Variants in XRCC6 observed in about 807,000 individuals in gnomAD.
The protein encoded by XRCC6 is DNA repair protein Ku70.
XRCC6 carries 5 observed loss-of-function variants against 65.7 expected under a neutral mutation model. The observed-to-expected ratio is 0.08, with a 90% CI of 0.04 to 0.16. XRCC6 has a LOEUF of 0.16. Among genes scored for constraint, XRCC6 ranks in the 10% least tolerant of loss-of-function variants. The pLI is 1.00. For synonymous variants in XRCC6, 270 were observed against 270.6 expected, an observed-to-expected ratio of 1.00 and a Z score of 0.02; for missense variants, 447 against 738.1, an observed-to-expected ratio of 0.61 and a Z score of 4.57.
intron 9 of XRCC6, among the ~76,000 whole-genome samples, chr22:41,656,247 G>A (rs114514926): frequency 0.019 from 2,876 of 151,184 alleles, 95 homozygotes; most frequent in African/African-American, 0.066. Flanking sequence ...AAGGCTGGGC[G>A]CGGTACCTCA....
At chr22:41,621,808 C>T (rs1188827451) in intron 1 of XRCC6, 182 bp from the exon 2 acceptor site, 2 of 584,514 alleles carry the variant, frequency 3.4e-6, no homozygotes, top group South Asian at 2.1e-5. Context: ...GAGGCAGCTA[C>T]TGGGATGGCC....
At chr22:41,625,254 A>G (rs554374946) in intron 2 of XRCC6, among the ~76,000 whole-genome samples, 44 of 152,258 alleles carry the variant, frequency 2.9e-4, no homozygotes, top group Non-Finnish European at 1.8e-4. Flanking sequence ...CGGTGAGCCA[A>G]GATCGCGTCA....
At chr22:41,645,441 A>C (rs915943636) in intron 6 of XRCC6, among the ~76,000 whole-genome samples, 1 of 152,120 alleles carries the variant, frequency 6.6e-6, no homozygotes, top group African/African-American at 2.4e-5. Context: ...CATTATGAGA[A>C]GAAAGTATCC....
intron 9 of XRCC6, 115 bp downstream of exon 9, chr22:41,653,805 T>G: frequency 1.5e-6 from 2 of 1,326,630 alleles, no homozygotes; most frequent in Non-Finnish European, 2.0e-6. Context: ...GGCTTAAAAA[T>G]GTCTATTTTT....
chr22:41,654,885 A>T (rs1390020582), intron 9 of XRCC6, among the ~76,000 whole-genome samples: 1 of 152,226 alleles, frequency 6.6e-6, no homozygotes, highest in African/African-American at 2.4e-5. Flanking sequence ...GGCCGCAACC[A>T]CAGTTTTGCT....
At chr22:41,623,933 G>A (rs1211421297) in intron 2 of XRCC6, among the ~76,000 whole-genome samples, 2 of 151,912 alleles carry the variant, frequency 1.3e-5, no homozygotes, top group Non-Finnish European at 2.9e-5. Flanking sequence ...ATGTTGGCCA[G>A]GCTGGTCTTG....
intron 3 of XRCC6, among the ~76,000 whole-genome samples, chr22:41,632,856 C>T (rs1413015570): frequency 2.7e-5 from 4 of 149,644 alleles, no homozygotes; most frequent in Non-Finnish European, 4.4e-5. Context: ...AGGCTGGGCG[C>T]GGTGGCTCAT....
chr22:41,658,279 G>A lies in XRCC6; in HGVS notation c.1449G>A (p.Leu483=), dbSNP rs2068063866. ...YRSDSFENPV[L]QQHFRNLEAL... Reference sequence around the variant, plus strand: ...GTGACAGCTTTGAGAACCCCGTGCTGCAGCAGCACTTCAGGAACCTGGAGG... The same window carrying A: ...GTGACAGCTTTGAGAACCCCGTGCTACAGCAGCACTTCAGGAACCTGGAGG... Residue 483 remains leucine (L), a synonymous_variant, in exon 11 of 13, where the codon CTG becomes CTA. Transcript: ENST00000360079. The A allele has an allele frequency of 3.1e-6, 5 of 1,613,798 alleles. No homozygotes were observed. The highest frequency in any genetic ancestry group is 4.2e-6 in the Non-Finnish European group (5 of 1,179,970).
At chr22:41,633,388 C>T (rs1296484339) in intron 3 of XRCC6, among the ~76,000 whole-genome samples, 3 of 151,490 alleles carry the variant, frequency 2.0e-5, no homozygotes, top group East Asian at 1.9e-4. Context: ...TTTTTTAGAC[C>T]GTGGACCTAT....
chr22:41,626,226 T>G (rs955576019), intron 2 of XRCC6, among the ~76,000 whole-genome samples: 2 of 151,960 alleles, frequency 1.3e-5, no homozygotes, highest in African/African-American at 2.4e-5. Flanking sequence ...CACTGCAGCC[T>G]CTGCGTCCCA....
intron 6 of XRCC6, among the ~76,000 whole-genome samples, chr22:41,642,840 A>G (rs893090958): frequency 2.0e-5 from 3 of 152,214 alleles, no homozygotes; most frequent in East Asian, 1.9e-4. Context: ...GAAGCCACCA[A>G]ATGGTTGATG....
At chr22:41,636,014 C>A in intron 3 of XRCC6, 99 bp from the exon 4 acceptor site, 1 of 1,111,380 alleles carries the variant, frequency 9.0e-7, no homozygotes, top group Non-Finnish European at 1.2e-6. Context: ...GTGCCATATA[C>A]AAATTCAGTG....
intron 1 of XRCC6, chr22:41,621,617 G>A (rs1207290828): frequency 5.3e-6 from 1 of 188,852 alleles, no homozygotes; most frequent in African/African-American, 2.4e-5. Flanking sequence ...AGATCTCATT[G>A]GGCGTGATTG....
At chr22:41,645,731 C>G (rs1316256959) in intron 6 of XRCC6, among the ~76,000 whole-genome samples, 1 of 146,112 alleles carries the variant, frequency 6.8e-6, no homozygotes, top group Non-Finnish European at 1.5e-5. Context: ...GAGTCTCGCT[C>G]TGTCGCTAGG....
intron 3 of XRCC6, among the ~76,000 whole-genome samples, chr22:41,632,254 T>C (rs911151826): frequency 1.3e-5 from 2 of 152,222 alleles, no homozygotes; most frequent in Admixed American, 6.5e-5. Context: ...ATATATCTCA[T>C]GTCTCATAAT....
At chr22:41,657,287 G>A (rs1309387473) in intron 10 of XRCC6, among the ~76,000 whole-genome samples, 1 of 152,068 alleles carries the variant, frequency 6.6e-6, no homozygotes, top group Non-Finnish European at 1.5e-5. Context: ...AAAAATAGCA[G>A]GATTCTTATT....
intron 3 of XRCC6, among the ~76,000 whole-genome samples, chr22:41,634,281 G>C (rs1259543174): frequency 6.6e-6 from 1 of 151,510 alleles, no homozygotes; most frequent in Non-Finnish European, 1.5e-5. Context: ...GACCTCCTGT[G>C]CTCAGGTGAT....
chr22:41,644,296 TA>T (rs1392922852), intron 6 of XRCC6, among the ~76,000 whole-genome samples: 1 of 152,240 alleles, frequency 6.6e-6, no homozygotes, highest in Admixed American at 6.5e-5. Context: ...GAACATACTT[TA>T]TGGGATTTCA....
intron 3 of XRCC6, among the ~76,000 whole-genome samples, chr22:41,629,983 CTTTTT>C (rs60191841): frequency 2.1e-5 from 2 of 93,552 alleles, no homozygotes; most frequent in Admixed American, 1.2e-4. Context: ...TGCATTTATG[CTTTTT>C]TTTTTTTTTT....
Sources: gnomAD v4.1 joint callset for allele counts (sites outside exome capture counted in the v4.1 genomes callset) on GRCh38, gnomAD v4.1.1 for gene constraint, MANE v1.5 for transcripts, NCBI Gene and HGNC (gene_info 2026-07-23, HGNC 2026-07-21) for gene names.